The following NUP214 variants were observed in gnomAD, a reference collection of about 807,000 sequenced individuals.
The protein encoded by NUP214 is nucleoporin 214, also known as nuclear pore complex protein Nup214.
Under a neutral mutation model 196.2 loss-of-function variants are expected in NUP214, and 79 were observed. The ratio of observed to expected loss-of-function variants is 0.40; its 90% CI spans 0.34 to 0.49. The LOEUF is 0.49. Among genes scored for constraint, NUP214 ranks in the 20% least tolerant of loss-of-function variants. The probability of loss-of-function intolerance (pLI) is 0.58; values close to 1 mark genes in which losing one functional copy is unlikely to be tolerated. For missense variants in NUP214, 2,468 were observed against 2,539.0 expected, an observed-to-expected ratio of 0.97 and a Z score of 0.60; for synonymous variants, 1,020 against 990.5, an observed-to-expected ratio of 1.03 and a Z score of -0.56.
Position 131,198,147 on chromosome 9 carries a change from T to G in NUP214, c.4653T>G (p.Ser1551=). Residue 1551 remains serine, a synonymous_variant, in exon 29 of 36, where the codon TCT becomes TCG. Coordinates refer to ENST00000359428, the MANE Select transcript of NUP214 (RefSeq NM_005085.4). ...PVLAQPAVSN[S]GTAASSTSLV... ...TTGCCCAGCCTGCAGTCAGCAACTC[T>G]GGCACTGCAGCATCTAGTACTAGTC... 2 of 1,614,218 alleles carry G rather than the reference T, an allele frequency of 1.2e-6. No homozygotes were observed. The highest frequency in any genetic ancestry group is 1.7e-6 in the Non-Finnish European group (2 of 1,180,040).
chr9:131,150,385 C>T lies in NUP214; in HGVS notation c.2102C>T (p.Pro701Leu). 6.2e-7 allele frequency: 1 copy of T among 1,614,174 alleles called. No individual in the cohort carries two copies. The highest frequency in any genetic ancestry group is 8.5e-7 in the Non-Finnish European group (1 of 1,180,018). ...GGACATCAGTGGAAAGATTCAGATC[C>T]TGTAATGGCTGGAATTGGGGAGGAG... ...KQGHQWKDSD[P>L]VMAGIGEEIA... Residue 701 changes from proline (P) to leucine (L), a missense_variant, in exon 15 of 36, where the codon CCT becomes CTT. Physicochemically the swap from Pro to Leu is moderately conservative, Grantham distance 98. Coordinates refer to ENST00000359428, the MANE Select transcript of NUP214 (RefSeq NM_005085.4).
chr9:131,174,431 A>C lies in NUP214; in HGVS notation c.3157+113A>C, dbSNP rs879215076. ...CCAATATGGTGGTTGGCTCCAGCCCACTTTTTTTTTTTTTTCTTTTTTTCT... is the reference window on the plus strand; with the variant it reads ...CCAATATGGTGGTTGGCTCCAGCCCCCTTTTTTTTTTTTTTCTTTTTTTCT... On this transcript the variant is annotated intron_variant, in intron 22 of 35. Transcript: ENST00000359428. The C allele has an allele frequency of 8.6e-4, 572 of 665,922 alleles. 1 individual carries two copies. In the East Asian group the frequency reaches 9.1e-3, roughly 11 times the overall value. 41.3% of individuals were successfully genotyped at this position (665,922 alleles called of 1,614,324 possible).
chr9:131,163,864 T>G lies in NUP214; in HGVS notation c.2724-6T>G, dbSNP rs563094859. ...TTGGTCTGTATCTAACACTGTTCTG[T>G]TTCAGTTTTGACAGTGACCTGGAAA... On this transcript the variant is annotated splice_polypyrimidine_tract_variant and splice_region_variant and intron_variant, in intron 19 of 35. Coordinates refer to ENST00000359428, the MANE Select transcript of NUP214 (RefSeq NM_005085.4). The G allele has an allele frequency of 4.3e-6, 7 of 1,613,030 alleles. No homozygotes were observed. The highest frequency in any genetic ancestry group is 5.9e-6 in the Non-Finnish European group (7 of 1,179,118).
intron 30 of NUP214, among the ~76,000 whole-genome samples, chr9:131,213,791 G>GTT (rs549300685): frequency 5.7e-5 from 1 of 17,656 alleles, no homozygotes; most frequent in Non-Finnish European, 1.4e-4. Context: ...TTGTTGTTAA[G>GTT]AAATTTAAAG....
chr9:131,172,906 G>A (rs759747872), intron 21 of NUP214, among the ~76,000 whole-genome samples: 6 of 152,256 alleles, frequency 3.9e-5, no homozygotes, highest in Non-Finnish European at 8.8e-5. Flanking sequence ...AGATTATTTT[G>A]TTTGGTTTTT....
rs1319053322 is a variant in NUP214, at chr9:131,132,792, C to G, written c.727+133C>G. 3 of 781,782 alleles carry G rather than the reference C, an allele frequency of 3.8e-6. No individual in the cohort carries two copies. In the Admixed American group the frequency reaches 7.5e-5, roughly 20 times the overall value. 48.4% of individuals were successfully genotyped at this position (781,782 alleles called of 1,614,324 possible). ...TTATGAATAATGTCACTATTTCAAA[C>G]AGCTAATTAAGTCAGTGTAAATTAT... On this transcript the variant is annotated intron_variant, in intron 6 of 35. Coordinates refer to ENST00000359428, the MANE Select transcript of NUP214 (RefSeq NM_005085.4).
chr9:131,142,000 T>A (rs1831930296), intron 11 of NUP214, among the ~76,000 whole-genome samples: 1 of 152,182 alleles, frequency 6.6e-6, no homozygotes, highest in Non-Finnish European at 1.5e-5. Context: ...GTGAGTTGTA[T>A]ATCACAAATA....
At chr9:131,227,844 C>T (rs1308437040) in intron 32 of NUP214, among the ~76,000 whole-genome samples, 1 of 152,098 alleles carries the variant, frequency 6.6e-6, no homozygotes, top group Non-Finnish European at 1.5e-5. Context: ...GGTCTGCTCA[C>T]ACGGCTTCAC....
intron 18 of NUP214, 96 bp downstream of exon 18, chr9:131,159,582 G>T: frequency 9.4e-7 from 1 of 1,063,622 alleles, no homozygotes; most frequent in Non-Finnish European, 1.4e-6. Context: ...CCCAGGCCGG[G>T]TGCGGTGGCT....
chr9:131,224,022 C>T (rs1224700027), intron 32 of NUP214, among the ~76,000 whole-genome samples: 2 of 151,886 alleles, frequency 1.3e-5, no homozygotes, highest in Non-Finnish European at 2.9e-5. Context: ...GCGTGAGCCA[C>T]CATGCCCAGC....
intron 32 of NUP214, among the ~76,000 whole-genome samples, chr9:131,223,211 G>A (rs1834612339): frequency 6.6e-6 from 1 of 151,306 alleles, no homozygotes; most frequent in South Asian, 2.1e-4. Context: ...TCTGTCGCCA[G>A]GCTGGAGTGC....
At chr9:131,144,003 T>C (rs932418666) in intron 11 of NUP214, among the ~76,000 whole-genome samples, 2 of 152,244 alleles carry the variant, frequency 1.3e-5, no homozygotes, top group Admixed American at 1.3e-4. Context: ...TAATGAAATG[T>C]TGCAGTGACT....
chr9:131,150,491 A>C, intron 15 of NUP214, 81 bp downstream of exon 15: 1 of 1,566,670 alleles, frequency 6.4e-7, no homozygotes, highest in Non-Finnish European at 8.8e-7. Flanking sequence ...CTGTATGACT[A>C]GTTAGTTCAT....
At chr9:131,153,174 T>G (rs1213032968) in intron 17 of NUP214, 1 of 152,138 alleles carries the variant, frequency 6.6e-6, no homozygotes, top group Non-Finnish European at 1.5e-5. Context: ...GGTCCTCTTC[T>G]GCTATCTCAC....
chr9:131,167,653 T>C (rs937138536), intron 21 of NUP214: 3 of 152,254 alleles, frequency 2.0e-5, no homozygotes, highest in Admixed American at 2.0e-4. Context: ...CTTTTTTCTT[T>C]TAACTATTCT....
intron 6 of NUP214, 69 bp from the exon 7 acceptor site, chr9:131,133,037 A>C: frequency 8.5e-7 from 1 of 1,181,838 alleles, no homozygotes; most frequent in Non-Finnish European, 1.3e-6. Context: ...TATTCCAAAC[A>C]TAAGCTGCTT....
intron 34 of NUP214, among the ~76,000 whole-genome samples, chr9:131,231,149 AAAAT>A (rs964563226): frequency 6.6e-6 from 1 of 152,198 alleles, no homozygotes; most frequent in Non-Finnish European, 1.5e-5. Context: ...ACCCTGTCTC[AAAAT>A]AAATAAATAT....
At chr9:131,223,720 TTTA>T (rs1834632309) in intron 32 of NUP214, among the ~76,000 whole-genome samples, 1 of 17,988 alleles carries the variant, frequency 5.6e-5, no homozygotes, top group Non-Finnish European at 1.6e-4. Context: ...TTTTTATTTA[TTTA>T]TTTATTTTTT....
rs1419774661 is a variant in NUP214 at position 131,125,688 on chromosome 9, A to C, written c.-17A>C. On this transcript the variant is annotated 5_prime_UTR_variant, in exon 1 of 36. Transcript: ENST00000359428. The surrounding 1 kb of genome is among the most constrained non-coding windows in gnomAD (Gnocchi z 4.1). ...GGGAGGCAGCGTTGGCTGCTTCGAC[A>C]CACTGAGGGCGGCGCGATGGGAGAC... 6.5e-7 allele frequency: 1 copy of C among 1,549,632 alleles called. No individual in the cohort carries two copies. Among genetic ancestry groups the C allele is most frequent in the Non-Finnish European group, 8.7e-7 (1 of 1,146,206 alleles).
Sources: gnomAD v4.1 joint callset for allele counts (sites outside exome capture counted in the v4.1 genomes callset) on GRCh38, gnomAD v4.1.1 for gene constraint, Gnocchi (gnomAD v3.1) non-coding constraint, MANE v1.5 for transcripts, NCBI Gene and HGNC (gene_info 2026-07-23, HGNC 2026-07-21) for gene names.